PCDH9: variants seen among roughly 807,000 people sequenced by gnomAD.
PCDH9 encodes protocadherin 9.
In PCDH9, 24 loss-of-function variants were observed where a neutral mutation model predicts 70.6. The observed-to-expected ratio is 0.34, with a 90% CI of 0.25 to 0.48. The LOEUF (loss-of-function observed/expected upper bound fraction) is 0.48, where lower values mean the gene tolerates loss of function less well. Among genes scored for constraint, PCDH9 ranks in the 20% least tolerant of loss-of-function variants. PCDH9 has a pLI of 0.99. For synonymous variants in PCDH9, 562 were observed against 558.5 expected (o/e 1.01, Z -0.09); for missense variants, 1,281 against 1,503.6 (o/e 0.85, Z 2.45).
At chr13:67,098,359 A>G (rs1029949027) in intron 2 of PCDH9, among the ~76,000 whole-genome samples, 2 of 152,186 alleles carry the variant, frequency 1.3e-5, no homozygotes, top group Non-Finnish European at 2.9e-5. Flanking sequence ...AGAATTAAAT[A>G]ATTCTTAAAA....
intron 4 of PCDH9, among the ~76,000 whole-genome samples, chr13:66,363,053 C>A (rs752129456): frequency 1.3e-5 from 2 of 152,052 alleles, no homozygotes; most frequent in Non-Finnish European, 2.9e-5. Flanking sequence ...GTGGCACACG[C>A]CTGTAATCTC....
chr13:66,652,375 G>A (rs1433782858), intron 3 of PCDH9, among the ~76,000 whole-genome samples: 3 of 152,086 alleles, frequency 2.0e-5, no homozygotes, highest in East Asian at 3.9e-4. Context: ...ATAATCCCAT[G>A]TACGACAACC....
intron 3 of PCDH9, among the ~76,000 whole-genome samples, chr13:66,656,194 G>A (rs1479797954): frequency 6.6e-6 from 1 of 151,754 alleles, no homozygotes; most frequent in African/African-American, 2.4e-5. Flanking sequence ...GGCTGAGCCT[G>A]TTACTGAACA....
At chr13:66,405,148 A>G (rs926745074) in intron 4 of PCDH9, among the ~76,000 whole-genome samples, 1 of 151,944 alleles carries the variant, frequency 6.6e-6, no homozygotes. Context: ...GTCCATTTCC[A>G]TTTGCTCTAT....
chr13:67,044,576 T>C (rs761280517), intron 2 of PCDH9, among the ~76,000 whole-genome samples: 7 of 152,114 alleles, frequency 4.6e-5, no homozygotes, highest in African/African-American at 1.7e-4. Context: ...GGCCATCCCT[T>C]TAAAAACAAG....
intron 2 of PCDH9, among the ~76,000 whole-genome samples, chr13:67,089,109 G>A (rs1323376450): frequency 6.6e-6 from 1 of 151,968 alleles, no homozygotes; most frequent in South Asian, 2.1e-4. Flanking sequence ...GAAAGGTAAA[G>A]GTCATTAATA....
chr13:66,578,334 G>C (rs1321300067), intron 4 of PCDH9, among the ~76,000 whole-genome samples: 2 of 151,942 alleles, frequency 1.3e-5, no homozygotes, highest in Non-Finnish European at 2.9e-5. Context: ...TTTGAGTTGA[G>C]TATTATTCAT....
At chr13:66,412,018 A>T (rs894718596) in intron 4 of PCDH9, among the ~76,000 whole-genome samples, 9 of 152,246 alleles carry the variant, frequency 5.9e-5, no homozygotes, top group African/African-American at 2.2e-4. Flanking sequence ...TGGGAACATA[A>T]GAACATATAT....
chr13:66,908,900 CA>C (rs2082410014), intron 2 of PCDH9, among the ~76,000 whole-genome samples: 1 of 151,798 alleles, frequency 6.6e-6, no homozygotes, highest in Non-Finnish European at 1.5e-5. Context: ...ATTTTAAAAC[CA>C]AATGTTATAT....
At chr13:67,094,688 T>C (rs1019694482) in intron 2 of PCDH9, among the ~76,000 whole-genome samples, 2 of 151,880 alleles carry the variant, frequency 1.3e-5, no homozygotes, top group African/African-American at 4.8e-5. Context: ...TCGGTCTTCA[T>C]AAGCATATTT....
intron 4 of PCDH9, among the ~76,000 whole-genome samples, chr13:66,339,387 G>A (rs1956089160): frequency 6.6e-6 from 1 of 152,038 alleles, no homozygotes; most frequent in East Asian, 1.9e-4. Flanking sequence ...TTGGGGGGGT[G>A]TGGGTGAACC....
chr13:66,473,157 T>C (rs1235612153), intron 4 of PCDH9, among the ~76,000 whole-genome samples: 1 of 152,076 alleles, frequency 6.6e-6, no homozygotes, highest in African/African-American at 2.4e-5. Context: ...TTCACAGTGA[T>C]GCTAAATCTT....
intron 4 of PCDH9, among the ~76,000 whole-genome samples, chr13:66,520,786 T>C (rs1042112234): frequency 6.6e-6 from 1 of 152,148 alleles, no homozygotes; most frequent in African/African-American, 2.4e-5. Context: ...GTATCTTATG[T>C]CTTAATTCAT....
chr13:67,133,881 C>T (rs921543465), intron 2 of PCDH9, among the ~76,000 whole-genome samples: 5 of 152,014 alleles, frequency 3.3e-5, no homozygotes, highest in African/African-American at 7.2e-5. Context: ...AAGAAATCCA[C>T]GGTGAGGCTG....
chr13:67,005,477 G>A (rs1784486494), intron 2 of PCDH9, among the ~76,000 whole-genome samples: 1 of 152,086 alleles, frequency 6.6e-6, no homozygotes, highest in South Asian at 2.1e-4. Flanking sequence ...CCCTCACACA[G>A]AAACACAAAA....
chr13:66,350,746 A>G (rs1174139958), intron 4 of PCDH9, among the ~76,000 whole-genome samples: 1 of 152,070 alleles, frequency 6.6e-6, no homozygotes, highest in Non-Finnish European at 1.5e-5. Context: ...AGTAGCTATC[A>G]TTTCCTGTTT....
At chr13:66,760,527 C>T (rs187978360) in intron 3 of PCDH9, among the ~76,000 whole-genome samples, 8 of 152,216 alleles carry the variant, frequency 5.3e-5, no homozygotes, top group South Asian at 2.1e-4. Context: ...CCGTCATCTT[C>T]GTAAGCTGAG....
chr13:66,723,402 G>T (rs1264371464), intron 3 of PCDH9, among the ~76,000 whole-genome samples: 3 of 152,086 alleles, frequency 2.0e-5, no homozygotes, highest in African/African-American at 7.2e-5. Context: ...ATTTTCAACA[G>T]GGCATAGCAT....
chr13:67,218,374 T>C (rs1443766787), intron 2 of PCDH9: 1 of 152,242 alleles, frequency 6.6e-6, no homozygotes, highest in Non-Finnish European at 1.5e-5. Context: ...TAACTAGCAC[T>C]GGGAGAGATA....
Sources: gnomAD v4.1 joint callset for allele counts (sites outside exome capture counted in the v4.1 genomes callset) on GRCh38, gnomAD v4.1.1 for gene constraint, MANE v1.5 for transcripts, NCBI Gene and HGNC (gene_info 2026-07-23, HGNC 2026-07-21) for gene names.